The following VPS8 variants were observed in gnomAD, a reference collection of about 807,000 sequenced individuals.
VPS8 encodes vacuolar protein sorting-associated protein 8 homolog.
VPS8 carries 129 observed loss-of-function variants against 216.4 expected under a neutral mutation model. The ratio of observed to expected loss-of-function variants is 0.60; its 90% CI spans 0.52 to 0.69. VPS8 has a LOEUF of 0.69. VPS8 is among the 30% of genes least tolerant of loss of function. The pLI is 0.00. For missense variants in VPS8, 1,531 were observed against 1,683.5 expected (o/e 0.91, Z 1.59); for synonymous variants, 571 against 565.4 (o/e 1.01, Z -0.14).
chr3:184,836,171 A>G (rs777227199), intron 5 of VPS8: 79 of 436,204 alleles, frequency 1.8e-4, no homozygotes, highest in Admixed American at 3.5e-4. Context: ...CCTAGCTCAT[A>G]TATCATGAAG....
intron 21 of VPS8, among the ~76,000 whole-genome samples, chr3:184,882,826 T>C (rs1405411240): frequency 1.3e-5 from 2 of 152,120 alleles, no homozygotes; most frequent in African/African-American, 4.8e-5. Flanking sequence ...TTCATGTAAA[T>C]TGTCAAATTT....
chr3:184,823,868 G>A (rs1446049511), intron 1 of VPS8, among the ~76,000 whole-genome samples: 3 of 152,114 alleles, frequency 2.0e-5, no homozygotes, highest in Admixed American at 6.5e-5. Flanking sequence ...ATAATAAAAA[G>A]CTGTATAAGT....
chr3:184,984,101 G>A (rs1284045462), intron 42 of VPS8, among the ~76,000 whole-genome samples: 7 of 140,304 alleles, frequency 5.0e-5, no homozygotes, highest in African/African-American at 7.8e-5. Flanking sequence ...GGAGAATGGC[G>A]TGAACCCGGG....
chr3:184,945,134 C>G (rs1053786042), intron 36 of VPS8, among the ~76,000 whole-genome samples: 3 of 151,742 alleles, frequency 2.0e-5, no homozygotes, highest in Admixed American at 2.0e-4. Flanking sequence ...CTCCTAATCA[C>G]CAGTCAGCTC....
chr3:184,819,263 A>G (rs1717022157), intron 1 of VPS8, among the ~76,000 whole-genome samples: 1 of 152,222 alleles, frequency 6.6e-6, no homozygotes, highest in Admixed American at 6.5e-5. Context: ...ATACTGGGTA[A>G]TTATGATTCC....
intron 21 of VPS8, among the ~76,000 whole-genome samples, chr3:184,878,147 G>C (rs1370926075): frequency 1.3e-5 from 2 of 149,412 alleles, no homozygotes; most frequent in Admixed American, 1.3e-4. Flanking sequence ...TCTCACTCTT[G>C]TCCTCCAGAT....
intron 45 of VPS8, among the ~76,000 whole-genome samples, chr3:185,022,319 G>C (rs1756778110): frequency 6.6e-6 from 1 of 152,158 alleles, no homozygotes; most frequent in Non-Finnish European, 1.5e-5. Context: ...TTTCTTAATA[G>C]CAGCATGAGA....
Position 184,866,970 on chromosome 3 carries a change from G to T in VPS8, c.1470+20G>T. ...ACAAAAGTAAGCTCTTTTACTCTGTGAGTTGGTATTTGTATGTATCAGGGT... is the reference window on the plus strand; with the variant it reads ...ACAAAAGTAAGCTCTTTTACTCTGTTAGTTGGTATTTGTATGTATCAGGGT... On this transcript the variant is annotated intron_variant, in intron 17 of 47. Coordinates refer to ENST00000625842, the MANE Select transcript of VPS8 (RefSeq NM_001009921.3). The T allele has an allele frequency of 6.2e-7, 1 of 1,609,902 alleles. No individual in the cohort carries two copies. Among genetic ancestry groups the T allele is most frequent in the South Asian group, 1.1e-5 (1 of 90,148 alleles).
At chr3:184,870,877 G>A in intron 21 of VPS8, 72 bp downstream of exon 21, 1 of 1,306,610 alleles carries the variant, frequency 7.7e-7, no homozygotes, top group Non-Finnish European at 1.1e-6. Context: ...TGTTACTTGA[G>A]AATGTGACTT....
chr3:184,886,765 G>C lies in VPS8; in HGVS notation c.1781+609G>C, dbSNP rs574300524. On this transcript the variant is annotated intron_variant, in intron 22 of 47. Coordinates refer to ENST00000625842, the MANE Select transcript of VPS8 (RefSeq NM_001009921.3). ...CGGCTAATTTTTTGTATCTTTAATA[G>C]AGACGGGGTTTCACCATGTTGGCCA... Among the ~76,000 whole-genome samples, 120 of 152,084 alleles carry C rather than the reference G, an allele frequency of 7.9e-4. No individual in the cohort carries two copies. In the Middle Eastern group the frequency reaches 0.014, roughly 17 times the overall value.
At chr3:184,966,772 TG>T in intron 39 of VPS8, 59 bp downstream of exon 39, 1 of 1,299,300 alleles carries the variant, frequency 7.7e-7, no homozygotes, top group Non-Finnish European at 1.1e-6. Flanking sequence ...TTTTAAAAGA[TG>T]TTTAATAAAT....
intron 5 of VPS8, among the ~76,000 whole-genome samples, chr3:184,838,364 AC>A (rs1721503432): frequency 6.6e-6 from 1 of 152,030 alleles, no homozygotes; most frequent in Non-Finnish European, 1.5e-5. Flanking sequence ...ATCTTTATGT[AC>A]TCCTACCATT....
intron 37 of VPS8, among the ~76,000 whole-genome samples, chr3:184,961,055 A>G (rs974516140): frequency 6.6e-5 from 10 of 152,228 alleles, no homozygotes; most frequent in Non-Finnish European, 8.8e-5. Context: ...AAAAAGGAAC[A>G]TAGTAAAAAT....
chr3:184,875,873 C>T (rs1729172600), intron 21 of VPS8, among the ~76,000 whole-genome samples: 2 of 151,712 alleles, frequency 1.3e-5, no homozygotes, highest in South Asian at 2.1e-4. Flanking sequence ...AGCTATAGTC[C>T]CAGCTACTCT....
intron 5 of VPS8, among the ~76,000 whole-genome samples, chr3:184,837,443 AT>A (rs1284635921): frequency 3.3e-5 from 5 of 152,128 alleles, no homozygotes; most frequent in African/African-American, 1.2e-4. Flanking sequence ...CTGCTGTCTC[AT>A]TTCTCTTTCC....
intron 44 of VPS8, among the ~76,000 whole-genome samples, 153 bp downstream of exon 44, chr3:184,996,654 G>A (rs1188563839): frequency 6.6e-6 from 1 of 152,160 alleles, no homozygotes; most frequent in Non-Finnish European, 1.5e-5. Context: ...GCATTGGGGT[G>A]GAGGTTAGGG....
chr3:184,930,933 T>G (rs1212286425), intron 34 of VPS8, among the ~76,000 whole-genome samples: 1 of 152,068 alleles, frequency 6.6e-6, no homozygotes, highest in African/African-American at 2.4e-5. Context: ...CTGCAATGAG[T>G]TTTCTCTCTG....
intron 42 of VPS8, among the ~76,000 whole-genome samples, chr3:184,990,719 T>C (rs973735911): frequency 6.6e-6 from 1 of 152,188 alleles, no homozygotes; most frequent in African/African-American, 2.4e-5. Flanking sequence ...CTAACACTAA[T>C]CAAGGCGTTT....
chr3:184,842,815 A>G (rs970521718), intron 7 of VPS8, among the ~76,000 whole-genome samples: 1 of 152,180 alleles, frequency 6.6e-6, no homozygotes, highest in Non-Finnish European at 1.5e-5. Flanking sequence ...TTCTTAAGTA[A>G]TTATAGGCAT....
Sources: allele counts gnomAD v4.1 joint callset (sites outside exome capture counted in the v4.1 genomes callset), GRCh38; gene constraint gnomAD v4.1.1; transcripts MANE v1.5; gene names NCBI Gene and HGNC (gene_info 2026-07-23, HGNC 2026-07-21).